NCOA1: variants seen among roughly 807,000 people sequenced by gnomAD.
NCOA1 encodes the protein Hin-2 protein.
Under a neutral mutation model 150.9 loss-of-function variants are expected in NCOA1, and 35 were observed. That is an observed-to-expected ratio of 0.23 (90% CI 0.18 to 0.31). The LOEUF is 0.31. Among genes scored for constraint, NCOA1 ranks in the 10% least tolerant of loss-of-function variants. The pLI, the probability that NCOA1 is intolerant of heterozygous loss-of-function variation, is 1.00. For missense variants in NCOA1, 1,491 were observed against 1,749.3 expected (o/e 0.85, Z 2.63); for synonymous variants, 590 against 630.0 (o/e 0.94, Z 0.95).
At chr2:24,738,090 A>G (rs540884561) in intron 17 of NCOA1, among the ~76,000 whole-genome samples, 1 of 152,084 alleles carries the variant, frequency 6.6e-6, no homozygotes, top group Non-Finnish European at 1.5e-5. Flanking sequence ...TTTAACATTT[A>G]TATTATAATG....
intron 1 of NCOA1, among the ~76,000 whole-genome samples, chr2:24,533,771 C>T (rs1473181054): frequency 6.6e-6 from 1 of 152,192 alleles, no homozygotes; most frequent in Non-Finnish European, 1.5e-5. Flanking sequence ...GTTGAACGAG[C>T]CTTGCATCCT....
intron 8 of NCOA1, among the ~76,000 whole-genome samples, chr2:24,689,629 G>T (rs1025139227): frequency 3.9e-5 from 6 of 152,156 alleles, no homozygotes; most frequent in Admixed American, 3.3e-4. Flanking sequence ...CTGACCTCAT[G>T]ATCTGCCCGC....
At position 24,726,651 on chromosome 2, in the gene NCOA1, C is replaced by G. The variant is rs1484826831; in HGVS notation, c.2662C>G (p.Gln888Glu). Residue 888 changes from glutamine to glutamate, a missense_variant, in exon 15 of 23, where the codon CAG (glutamine) becomes GAG (glutamate). Around this residue, in one of 8 missense-constraint regions of NCOA1, gnomAD observed 703 missense variants for 717.7 expected, o/e 0.98. Coordinates refer to ENST00000348332, the MANE Select transcript of NCOA1 (RefSeq NM_003743.5). ...ATTTGGACAACCAGGAACAGGCGAT[C>G]AGATTCCATGGACAAATAATACAGT... ...NQFGQPGTGDQIPWTNNTVTA... is the reference protein window; with the variant it reads ...NQFGQPGTGDEIPWTNNTVTA... 1 of 1,611,144 alleles carries G rather than the reference C, an allele frequency of 6.2e-7. No individual in the cohort carries two copies. Among genetic ancestry groups the G allele is most frequent in the Non-Finnish European group, 8.5e-7 (1 of 1,178,726 alleles).
At chr2:24,599,455 G>A (rs1439046097) in intron 3 of NCOA1, among the ~76,000 whole-genome samples, 2 of 152,152 alleles carry the variant, frequency 1.3e-5, no homozygotes, top group African/African-American at 2.4e-5. Flanking sequence ...CTGTGACAAA[G>A]CAACAAAAAC....
intron 2 of NCOA1, among the ~76,000 whole-genome samples, chr2:24,569,699 G>A (rs1210841766): frequency 2.0e-5 from 3 of 150,464 alleles, no homozygotes; most frequent in East Asian, 2.0e-4. Flanking sequence ...GTGAAACCAC[G>A]TCTCTACTAA....
intron 1 of NCOA1, among the ~76,000 whole-genome samples, chr2:24,513,768 T>C (rs920343611): frequency 2.6e-5 from 4 of 152,232 alleles, no homozygotes; most frequent in African/African-American, 9.6e-5. Flanking sequence ...ATTTCTAGTG[T>C]TTCATTTCTT....
intron 3 of NCOA1, among the ~76,000 whole-genome samples, chr2:24,629,889 G>A (rs1233069706): frequency 3.6e-5 from 5 of 138,250 alleles, no homozygotes; most frequent in South Asian, 2.3e-4. Context: ...TGTCGCCCAC[G>A]CTGGAGTCCA....
At chr2:24,710,546 C>T (rs1208357551) in intron 13 of NCOA1, among the ~76,000 whole-genome samples, 3 of 152,096 alleles carry the variant, frequency 2.0e-5, no homozygotes, top group African/African-American at 7.2e-5. Flanking sequence ...TAAAGTAAGT[C>T]ATTTTATGAA....
intron 17 of NCOA1, 81 bp downstream of exon 17, chr2:24,729,896 T>A (rs919755664): frequency 7.0e-7 from 1 of 1,424,048 alleles, no homozygotes; most frequent in South Asian, 1.3e-5. Flanking sequence ...GTGTGGCTAG[T>A]GTGCAGTAGT....
chr2:24,721,938 T>C (rs2148626410), intron 14 of NCOA1, among the ~76,000 whole-genome samples: 1 of 152,370 alleles, frequency 6.6e-6, no homozygotes, highest in South Asian at 2.1e-4. Context: ...AAATTTCTTC[T>C]GCCTTTCCTT....
chr2:24,674,782 G>T (rs1299210250), intron 7 of NCOA1, among the ~76,000 whole-genome samples: 1 of 151,918 alleles, frequency 6.6e-6, no homozygotes, highest in Non-Finnish European at 1.5e-5. Context: ...TCCTCCCTTT[G>T]CTGTCTAAAA....
intron 8 of NCOA1, among the ~76,000 whole-genome samples, chr2:24,688,732 G>C (rs1672526331): frequency 6.6e-6 from 1 of 152,084 alleles, no homozygotes; most frequent in South Asian, 2.1e-4. Context: ...TTCTTTTGCT[G>C]TGCAGATGAT....
At chr2:24,618,471 G>A (rs977636857) in intron 3 of NCOA1, among the ~76,000 whole-genome samples, 2 of 152,126 alleles carry the variant, frequency 1.3e-5, no homozygotes, top group African/African-American at 4.8e-5. Context: ...CATCTGGTCT[G>A]AAGACCTTCA....
intron 1 of NCOA1, among the ~76,000 whole-genome samples, chr2:24,522,470 A>G (rs775841283): frequency 1.3e-5 from 2 of 152,214 alleles, no homozygotes; most frequent in Non-Finnish European, 2.9e-5. Flanking sequence ...AGAGGTAGAT[A>G]TATCAACAAT....
intron 3 of NCOA1, among the ~76,000 whole-genome samples, chr2:24,589,058 A>C (rs1260875904): frequency 1.3e-5 from 2 of 152,106 alleles, no homozygotes; most frequent in Admixed American, 6.5e-5. Flanking sequence ...CTACTCATTC[A>C]AATATTATCT....
chr2:24,642,037 T>TGCGCGC (rs1553441349), intron 3 of NCOA1, among the ~76,000 whole-genome samples: 18 of 138,412 alleles, frequency 1.3e-4, no homozygotes, highest in South Asian at 2.3e-4. Context: ...TGTGTGTGTG[T>TGCGCGC]GCGCGCGTGC....
intron 1 of NCOA1, among the ~76,000 whole-genome samples, chr2:24,494,686 T>G (rs1032739382): frequency 6.6e-6 from 1 of 152,190 alleles, no homozygotes; most frequent in Non-Finnish European, 1.5e-5. Flanking sequence ...CTTGCAAATA[T>G]TGGATGCTGT....
At chr2:24,517,368 G>A (rs919493777) in intron 1 of NCOA1, among the ~76,000 whole-genome samples, 1 of 151,710 alleles carries the variant, frequency 6.6e-6, no homozygotes. Flanking sequence ...AGTGTGTACC[G>A]ACTTTCTCCT....
At chr2:24,494,994 C>T (rs1188906498) in intron 1 of NCOA1, among the ~76,000 whole-genome samples, 1 of 151,868 alleles carries the variant, frequency 6.6e-6, no homozygotes, top group African/African-American at 2.4e-5. Flanking sequence ...TTTAGTTAGA[C>T]CTTGTGCCTT....
Sources: allele counts gnomAD v4.1 joint callset (sites outside exome capture counted in the v4.1 genomes callset), GRCh38; gene constraint gnomAD v4.1.1; regional missense constraint gnomAD v4.1.1; transcripts MANE v1.5; gene names NCBI Gene and HGNC (gene_info 2026-07-23, HGNC 2026-07-21).